UBE2F: variants seen among roughly 807,000 people sequenced by gnomAD.
The protein encoded by UBE2F is NEDD8-conjugating enzyme UBE2F.
A neutral mutation model predicts 29.6 loss-of-function variants in UBE2F; 5 were observed. The observed-to-expected ratio is 0.17, with a 90% CI of 0.09 to 0.36. The LOEUF (loss-of-function observed/expected upper bound fraction) is 0.36, where lower values mean the gene tolerates loss of function less well. Among genes scored for constraint, UBE2F ranks in the 10% least tolerant of loss-of-function variants. The pLI is 1.00. For missense variants in UBE2F, 141 were observed against 228.5 expected (o/e 0.62, Z 2.47); for synonymous variants, 66 against 81.8 (o/e 0.81, Z 1.04).
intron 4 of UBE2F, among the ~76,000 whole-genome samples, chr2:237,997,771 G>A (rs114048460): frequency 2.1e-3 from 319 of 152,238 alleles, no homozygotes; most frequent in African/African-American, 6.4e-3. Flanking sequence ...CTTTTGGAGT[G>A]GTTGCTCATG....
chr2:238,014,724 C>T (rs936695813), intron 4 of UBE2F, among the ~76,000 whole-genome samples: 13 of 152,222 alleles, frequency 8.5e-5, no homozygotes, highest in African/African-American at 2.9e-4. Flanking sequence ...AATGTTAAGC[C>T]TGGCATTGGA....
rs543871755 is a variant in UBE2F, at chr2:238,029,511, C to T, written c.354-1045C>T. 2.3e-4 allele frequency among the ~76,000 whole-genome samples: 35 copies of T among 150,502 alleles called. No homozygotes were observed. In the South Asian group the frequency reaches 6.7e-3, roughly 29 times the overall value. ...TCAGGAGGCTGAGGCAGGAGAATGGCGTAAAACCGGAGAGGTGGAGCTTAC... is the reference window on the plus strand; with the variant it reads ...TCAGGAGGCTGAGGCAGGAGAATGGTGTAAAACCGGAGAGGTGGAGCTTAC... On this transcript the variant is annotated intron_variant, in intron 6 of 9. Coordinates refer to ENST00000272930, the MANE Select transcript of UBE2F (RefSeq NM_080678.3).
chr2:238,041,487 C>G lies in UBE2F; in HGVS notation c.*149C>G, dbSNP rs2064837056. The G allele has an allele frequency of 3.0e-6, 2 of 677,264 alleles. No homozygotes were observed. Among genetic ancestry groups the G allele is most frequent in the Non-Finnish European group, 5.2e-6 (2 of 382,524 alleles). The allele number at this position is 677,264 out of a possible 1,614,324, so 42.0% of individuals were successfully genotyped here. A position where few individuals can be genotyped will look rare whatever the true frequency, so the allele number is the denominator to read the frequency against. On this transcript the variant is annotated 3_prime_UTR_variant, in exon 10 of 10. Transcript: ENST00000272930. ...GTGACCATGTTGCCCTGAAGAAGAC[C>G]ATCTTCATGACTGCTCATTGTAGAT...
intron 2 of UBE2F, among the ~76,000 whole-genome samples, chr2:237,981,185 G>T (rs1226550483): frequency 1.3e-5 from 2 of 152,148 alleles, no homozygotes; most frequent in African/African-American, 4.8e-5. Context: ...TCTTCAGGTG[G>T]TGAGGGTGTA....
At position 238,014,595 on chromosome 2, in the gene UBE2F, G is replaced by T. The variant is rs565954302; in HGVS notation, c.215-1971G>T. Among the ~76,000 whole-genome samples, 6 of 152,304 alleles carry T rather than the reference G, an allele frequency of 3.9e-5. No individual in the cohort carries two copies. The East Asian group carries it at 1.2e-3, about 29-fold the overall frequency. On this transcript the variant is annotated intron_variant, in intron 4 of 9. Transcript: ENST00000272930. ...GATGGAATGGCCAGAGCACAGCCAC[G>T]ACCAGGGTGTCTCGCATGGGTAGTA...
chr2:237,970,923 G>A (rs2063164335), intron 1 of UBE2F, among the ~76,000 whole-genome samples: 1 of 152,230 alleles, frequency 6.6e-6, no homozygotes, highest in Non-Finnish European at 1.5e-5. Flanking sequence ...ATGTTGGGCA[G>A]GCTGGTCTAG....
intron 4 of UBE2F, among the ~76,000 whole-genome samples, chr2:238,001,797 G>T (rs113306994): frequency 6.6e-6 from 1 of 151,646 alleles, no homozygotes; most frequent in East Asian, 2.0e-4. Context: ...TCCAGCCTGG[G>T]CGACAGAGCA....
chr2:237,996,445 G>C (rs183161726), intron 4 of UBE2F, among the ~76,000 whole-genome samples: 41 of 149,662 alleles, frequency 2.7e-4, no homozygotes, highest in Non-Finnish European at 4.7e-4. Flanking sequence ...GGCAAGTCTG[G>C]ATAAATGTTT....
chr2:238,025,184 C>T (rs2064391535), intron 5 of UBE2F, 158 bp from the exon 6 acceptor site: 4 of 648,410 alleles, frequency 6.2e-6, no homozygotes, highest in Non-Finnish European at 1.1e-5. Flanking sequence ...GTGAGGTGAG[C>T]CAGTATTCAG....
intron 4 of UBE2F, among the ~76,000 whole-genome samples, chr2:238,012,176 G>A (rs2064049435): frequency 6.6e-6 from 1 of 151,518 alleles, no homozygotes; most frequent in African/African-American, 2.4e-5. Flanking sequence ...GAGTCACCTT[G>A]CCTGTCGTCA....
rs1234629040 is a variant in UBE2F, at chr2:237,967,252, C to T, written c.-17+120C>T. ...GGGGCCGCCTCGGGCCCGCCGGGTT[C>T]CTCACGCCGGGGGCCTGGCGGGCGC... On this transcript the variant is annotated intron_variant, in intron 1 of 9. Transcript: ENST00000272930. The surrounding 1 kb of genome is among the most constrained non-coding windows in gnomAD (Gnocchi z 6.3). 16 of 676,902 alleles carry T rather than the reference C, an allele frequency of 2.4e-5. No homozygotes were observed. The highest frequency in any genetic ancestry group is 2.9e-5 in the Non-Finnish European group (16 of 550,212). The allele number at this position is 676,902 out of a possible 1,614,324, so 41.9% of individuals were successfully genotyped here.
intron 4 of UBE2F, among the ~76,000 whole-genome samples, chr2:237,999,818 T>C (rs759224492): frequency 1.2e-5 from 1 of 82,154 alleles, no homozygotes; most frequent in African/African-American, 4.9e-5. Context: ...TTTGATGTTG[T>C]TCTTTTTTTT....
Position 237,970,799 on chromosome 2 carries a change from C to T in UBE2F, c.-16-2293C>T, listed in dbSNP as rs189658637. Among the ~76,000 whole-genome samples, 401 of 152,360 alleles carry T rather than the reference C, an allele frequency of 2.6e-3. 1 individual carries two copies. The highest frequency in any genetic ancestry group is 9.2e-3 in the African/African-American group (383 of 41,576). ...GCACAATCACTGCAACCTCCACCTC[C>T]CGGGTTCAACCTATTCTTCTGCCTC... On this transcript the variant is annotated intron_variant, in intron 1 of 9. Transcript: ENST00000272930.
At chr2:238,032,908 G>T (rs2064618507) in intron 8 of UBE2F, among the ~76,000 whole-genome samples, 1 of 152,240 alleles carries the variant, frequency 6.6e-6, no homozygotes. Flanking sequence ...TGGGGAGGTT[G>T]TCTGGGGCAG....
At chr2:238,039,513 C>T (rs2064794513) in intron 9 of UBE2F, among the ~76,000 whole-genome samples, 1 of 152,212 alleles carries the variant, frequency 6.6e-6, no homozygotes, top group South Asian at 2.1e-4. Flanking sequence ...CTCACAACAG[C>T]CCCTTGGGGC....
intron 1 of UBE2F, among the ~76,000 whole-genome samples, chr2:237,970,066 G>A (rs1041044213): frequency 1.5e-4 from 23 of 152,070 alleles, no homozygotes; most frequent in African/African-American, 4.8e-4. Context: ...GACCACACTC[G>A]AGATAAAAAC....
At chr2:237,991,870 C>CTTT (rs71402746) in intron 3 of UBE2F, among the ~76,000 whole-genome samples, 7 of 142,632 alleles carry the variant, frequency 4.9e-5, no homozygotes, top group Admixed American at 1.4e-4. Context: ...TTGATAATTT[C>CTTT]TTTTTTTTTT....
intron 6 of UBE2F, among the ~76,000 whole-genome samples, chr2:238,026,303 T>A (rs2064427295): frequency 6.6e-6 from 1 of 152,250 alleles, no homozygotes; most frequent in Admixed American, 6.5e-5. Context: ...GAAATGCAAT[T>A]AGTGGCCTAA....
chr2:237,985,083 C>G (rs542149669), intron 2 of UBE2F, among the ~76,000 whole-genome samples: 1 of 151,992 alleles, frequency 6.6e-6, no homozygotes. Context: ...ATCCTCCTGC[C>G]TCGGCCTCCC....
Sources: allele counts gnomAD v4.1 joint callset (sites outside exome capture counted in the v4.1 genomes callset), GRCh38; gene constraint gnomAD v4.1.1; non-coding constraint Gnocchi (gnomAD v3.1); transcripts MANE v1.5; gene names NCBI Gene and HGNC (gene_info 2026-07-23, HGNC 2026-07-21).